CEACAM8: variants seen among roughly 807,000 people sequenced by gnomAD.
CEACAM8 encodes CEA cell adhesion molecule 8, also known as cell adhesion molecule CEACAM8.
Under a neutral mutation model 33.4 loss-of-function variants are expected in CEACAM8, and 31 were observed. The ratio of observed to expected loss-of-function variants is 0.93; its 90% CI spans 0.70 to 1.25. The LOEUF is 1.25. CEACAM8 is among the 50% of genes most tolerant of loss of function. CEACAM8 has a pLI of 0.00. For synonymous variants in CEACAM8, 138 were observed against 164.5 expected (o/e 0.84, Z 1.23); for missense variants, 388 against 434.6 (o/e 0.89, Z 0.95).
At chr19:42,582,418 T>C (rs1485007143) in intron 5 of CEACAM8, among the ~76,000 whole-genome samples, 1 of 152,220 alleles carries the variant, frequency 6.6e-6, no homozygotes, top group East Asian at 1.9e-4. Context: ...GCCTTTTTCA[T>C]TTCTGTATCT....
In CEACAM8 at chr19:42,589,020, G is replaced by A. The variant is rs370309411; in HGVS notation, c.722C>T (p.Thr241Ile). Residue 241 changes from threonine to isoleucine, a missense_variant, in exon 4 of 6, where the codon ACC becomes ATC. Transcript: ENST00000244336. ...LNVLYGPDAPTISPSDTYYHA... is the reference protein window; with the variant it reads ...LNVLYGPDAPIISPSDTYYHA... ...GTAATAGGTGTCTGAAGGGGAAATG[G>A]TGGGGGCATCTGGGCCATCTAGAGC... The A allele has an allele frequency of 1.2e-6, 2 of 1,613,570 alleles. No individual in the cohort carries two copies. The highest frequency in any genetic ancestry group is 1.3e-5 in the African/African-American group (1 of 74,914).
rs2042387382 is a variant in CEACAM8 at position 42,589,119 on chromosome 19, C to A, written c.704-81G>T. On this transcript the variant is annotated intron_variant, in intron 3 of 5. Coordinates refer to ENST00000244336, the MANE Select transcript of CEACAM8 (RefSeq NM_001816.4). ...TGGTCTGTGGAAGAGCCACAGTGTC[C>A]CTCTGAGCCAAGTCACAAACCTGAG... 7.3e-6 allele frequency: 11 copies of A among 1,512,526 alleles called. No individual in the cohort carries two copies. The Admixed American group carries it at 1.6e-4, about 22-fold the overall frequency. The allele number at this position is 1,512,526 out of a possible 1,614,324, so 93.7% of individuals were successfully genotyped here.
chr19:42,586,662 G>C (rs1255300542), intron 4 of CEACAM8, among the ~76,000 whole-genome samples: 3 of 152,142 alleles, frequency 2.0e-5, no homozygotes, highest in Admixed American at 1.3e-4. Context: ...AAAACTCCAT[G>C]ACATTGGATT....
chr19:42,584,516 C>T (rs1026437951), intron 4 of CEACAM8, among the ~76,000 whole-genome samples: 1 of 152,174 alleles, frequency 6.6e-6, no homozygotes, highest in African/African-American at 2.4e-5. Flanking sequence ...TCTAGGACTA[C>T]TCAGCTTCAA....
intron 5 of CEACAM8, among the ~76,000 whole-genome samples, chr19:42,581,924 T>TAA (rs1568690357): frequency 1.2e-4 from 9 of 72,296 alleles, no homozygotes; most frequent in South Asian, 5.0e-4. Context: ...AAAAAAAATA[T>TAA]ATATATATAT....
rs754655271 is a variant in CEACAM8, at chr19:42,593,829, C to T, written c.136G>A (p.Ala46Thr). 1 of 1,613,844 alleles carries T rather than the reference C, an allele frequency of 6.2e-7. No homozygotes were observed. Among genetic ancestry groups the T allele is most frequent in the Admixed American group, 1.7e-5 (1 of 60,010 alleles). The change falls in exon 2 of 6, where the codon GCA becomes ACA. Residue 46 changes from alanine to threonine, a missense_variant. By Grantham distance (58) the Ala-to-Thr change is moderately conservative. Transcript: ENST00000244336. ...AGTAGAAGAACCTCCTTCCCCTCTG[C>T]AGCATTGGATGGCACAGCTTCAATA... ...LTIEAVPSNA[A>T]EGKEVLLLVH... is the part of the protein sequence containing the mutation.
In CEACAM8 at chr19:42,589,669, G is replaced by A. The variant is rs988584460; in HGVS notation, c.491C>T (p.Ala164Val). The A allele has an allele frequency of 6.2e-7, 1 of 1,614,196 alleles. No homozygotes were observed. The highest frequency in any genetic ancestry group is 8.5e-7 in the Non-Finnish European group (1 of 1,180,044). Residue 164 changes from alanine to valine, a missense_variant, in exon 3 of 6, where the codon GCC becomes GTC. By Grantham distance (64) the Ala-to-Val change is moderately conservative (BLOSUM62 0). Coordinates refer to ENST00000244336, the MANE Select transcript of CEACAM8 (RefSeq NM_001816.4). ...SNPVEDKDAV[A>V]FTCEPETQNT... is the part of the protein sequence containing the mutation. ...CTGAGTCTCAGGTTCACAGGTGAAG[G>A]CCACAGCATCCTTGTCCTCCACGGG...
At chr19:42,593,295 CCTT>C (rs1321724305) in intron 2 of CEACAM8, among the ~76,000 whole-genome samples, 1 of 152,180 alleles carries the variant, frequency 6.6e-6, no homozygotes, top group African/African-American at 2.4e-5. Context: ...AGTCTGATCT[CCTT>C]CTGCTGAGTC....
chr19:42,581,975 C>T (rs2042269048), intron 5 of CEACAM8, among the ~76,000 whole-genome samples: 1 of 109,486 alleles, frequency 9.1e-6, no homozygotes. Flanking sequence ...CACTTAGCTT[C>T]TGTTTCTCAA....
At chr19:42,588,746 C>T in intron 4 of CEACAM8, 38 bp downstream of exon 4, 1 of 1,609,632 alleles carries the variant, frequency 6.2e-7, no homozygotes, top group South Asian at 1.1e-5. Context: ...TAGACTCTAC[C>T]AGAAAACATA....
intron 1 of CEACAM8, 64 bp downstream of exon 1, chr19:42,594,701 A>G: frequency 7.4e-7 from 1 of 1,358,688 alleles, no homozygotes; most frequent in Non-Finnish European, 1.0e-6. Flanking sequence ...CGTCCTCCCC[A>G]GGAGACCCCA....
rs1347247223 is a variant in CEACAM8 at position 42,583,308 on chromosome 19, G to A, written c.988C>T (p.Leu330Phe). The change falls in exon 5 of 6, where the codon CTC becomes TTC. Residue 330 changes from leucine to phenylalanine, a missense_variant. Physicochemically the swap from Leu to Phe is conservative, Grantham distance 22 (BLOSUM62 0). Transcript: ENST00000244336. ...DALVQGSSPG[L>F]SARATVSIMI... The stretch of plus-strand genomic sequence containing the variant: ...ATGCTGACAGTGGCTCTAGCTGAGA[G>A]GCCAGGAGAACTTCCTTGTACTAAA... 1.2e-6 allele frequency: 2 copies of A among 1,613,310 alleles called. No homozygotes were observed.
chr19:42,588,860 G>A lies in CEACAM8; in HGVS notation c.882C>T (p.Ser294=), dbSNP rs185392969. ...LFIPNITTKN[S]GSYACHTTNS... Reference sequence around the variant, plus strand: ...TAGTGGTGTGGCAGGCATAGGATCCGCTGTTCTTTGTAGTGATGTTGGGGA... The same window carrying A: ...TAGTGGTGTGGCAGGCATAGGATCCACTGTTCTTTGTAGTGATGTTGGGGA... Residue 294 remains serine (S), a synonymous_variant, in exon 4 of 6, where the codon AGC becomes AGT. Coordinates refer to ENST00000244336, the MANE Select transcript of CEACAM8 (RefSeq NM_001816.4). 37 of 1,614,176 alleles carry A rather than the reference G, an allele frequency of 2.3e-5. No homozygotes were observed. Among genetic ancestry groups the A allele is most frequent in the East Asian group, 6.7e-5 (3 of 44,888 alleles).
At chr19:42,585,322 A>C (rs1475502942) in intron 4 of CEACAM8, among the ~76,000 whole-genome samples, 3 of 149,302 alleles carry the variant, frequency 2.0e-5, no homozygotes, top group Non-Finnish European at 2.9e-5. Context: ...TCAAAAAAAA[A>C]AAAAAAACAA....
intron 3 of CEACAM8, among the ~76,000 whole-genome samples, 172 bp downstream of exon 3, chr19:42,589,285 C>T (rs910626847): frequency 1.3e-5 from 2 of 152,164 alleles, no homozygotes; most frequent in African/African-American, 4.8e-5. Context: ...TATTCTTGGT[C>T]AAGGCTAGGC....
Position 42,588,720 on chromosome 19 carries a change from A to G in CEACAM8, c.958+64T>C, listed in dbSNP as rs892547748. The G allele has an allele frequency of 5.1e-6, 8 of 1,579,504 alleles. No homozygotes were observed. The East Asian group carries it at 1.3e-4, about 27-fold the overall frequency. On this transcript the variant is annotated intron_variant, in intron 4 of 5. Coordinates refer to ENST00000244336, the MANE Select transcript of CEACAM8 (RefSeq NM_001816.4). Reference sequence around the variant, plus strand: ...GGGAATAAAACTTTTTTTCTGGCTCATCTCTGAAAGCCAGATAGACTCTAC... The same window carrying G: ...GGGAATAAAACTTTTTTTCTGGCTCGTCTCTGAAAGCCAGATAGACTCTAC...
At chr19:42,583,146 C>T in intron 5 of CEACAM8, 60 bp downstream of exon 5, 1 of 748,946 alleles carries the variant, frequency 1.3e-6, no homozygotes, top group East Asian at 2.5e-5. Context: ...ATACAGGTCT[C>T]TCTCCCAAGC....
chr19:42,589,787 C>T, intron 2 of CEACAM8, 52 bp from the exon 3 acceptor site: 1 of 1,611,812 alleles, frequency 6.2e-7, no homozygotes. Context: ...TTGATTCCTC[C>T]ACAGGCAAAT....
chr19:42,593,061 A>T (rs977723860), intron 2 of CEACAM8, among the ~76,000 whole-genome samples: 6 of 152,196 alleles, frequency 3.9e-5, no homozygotes, highest in Non-Finnish European at 8.8e-5. Context: ...CTTTGCTCCT[A>T]GTTGGCCCTG....
Sources: allele counts gnomAD v4.1 joint callset (sites outside exome capture counted in the v4.1 genomes callset), GRCh38; gene constraint gnomAD v4.1.1; transcripts MANE v1.5; gene names NCBI Gene and HGNC (gene_info 2026-07-23, HGNC 2026-07-21).